RABGGTA: variants seen among roughly 807,000 people sequenced by gnomAD.
RABGGTA encodes Rab geranylgeranyltransferase subunit alpha, also known as geranylgeranyl transferase type-2 subunit alpha.
Under a neutral mutation model 83.3 loss-of-function variants are expected in RABGGTA, and 69 were observed. The observed-to-expected ratio is 0.83, with a 90% CI of 0.68 to 1.01. The LOEUF is 1.01. Ranked by LOEUF, RABGGTA falls within the 50% of genes least tolerant of loss-of-function variation. The pLI is 0.00. For missense variants in RABGGTA, 681 were observed against 712.7 expected (o/e 0.96, Z 0.51); for synonymous variants, 310 against 299.8 (o/e 1.03, Z -0.35).
intron 1 of RABGGTA, 61 bp from the exon 2 acceptor site, chr14:24,271,230 C>G: frequency 7.5e-7 from 1 of 1,332,040 alleles, no homozygotes; most frequent in South Asian, 1.6e-5. Context: ...ACAGCTGTGT[C>G]CGGAAGCAGC....
In RABGGTA at chr14:24,270,813, C is replaced by T. The variant is rs367823440; in HGVS notation, c.114+24G>A. The stretch of plus-strand genomic sequence containing the variant: ...CTATACTAAGGGAGCTACTTGGGGT[C>T]GGGGCTACCTCTGAGGGCCCCACCT... On this transcript the variant is annotated intron_variant, in intron 3 of 16. Coordinates refer to ENST00000216840, the MANE Select transcript of RABGGTA (RefSeq NM_182836.3). 148 of 1,608,168 alleles carry T rather than the reference C, an allele frequency of 9.2e-5. No homozygotes were observed. The African/African-American group carries it at 1.6e-3, about 17-fold the overall frequency.
At chr14:24,270,300 G>A in intron 4 of RABGGTA, 34 bp downstream of exon 4, 1 of 1,610,652 alleles carries the variant, frequency 6.2e-7, no homozygotes. Context: ...CGCAGGGCCA[G>A]GGCAGTCTTC....
At position 24,267,619 on chromosome 14, in the gene RABGGTA, C is replaced by A. The variant is rs746805001; in HGVS notation, c.1353+41G>T. 2.0e-6 allele frequency: 3 copies of A among 1,531,950 alleles called. No homozygotes were observed. The Admixed American group carries it at 5.5e-5, about 28-fold the overall frequency. 94.9% of individuals were successfully genotyped at this position (1,531,950 alleles called of 1,614,324 possible). A position where few individuals can be genotyped will look rare whatever the true frequency, so the allele number is the denominator to read the frequency against. On this transcript the variant is annotated intron_variant, in intron 14 of 16. Coordinates refer to ENST00000216840, the MANE Select transcript of RABGGTA (RefSeq NM_182836.3). Reference sequence around the variant, plus strand: ...AAAGTCAGGGACGTGGGGAGGCCAGCGGGATGAGGGCCAGGGGAAGGCATG... The same window carrying A: ...AAAGTCAGGGACGTGGGGAGGCCAGAGGGATGAGGGCCAGGGGAAGGCATG...
chr14:24,266,636 C>A, intron 15 of RABGGTA, 119 bp from the exon 16 acceptor site: 1 of 1,237,976 alleles, frequency 8.1e-7, no homozygotes, highest in Non-Finnish European at 1.2e-6. Flanking sequence ...GGTCAGGCTG[C>A]GTGATGGAGG....
intron 3 of RABGGTA, 122 bp from the exon 4 acceptor site, chr14:24,270,580 C>G (rs1346401298): frequency 1.5e-6 from 2 of 1,330,038 alleles, no homozygotes; most frequent in Non-Finnish European, 2.1e-6. Flanking sequence ...TACTATGAAC[C>G]ATGCTTTATG....
rs756937084 is a variant in RABGGTA at position 24,267,920 on chromosome 14, C to T, written c.1186G>A (p.Asp396Asn). 2.5e-6 allele frequency: 4 copies of T among 1,613,824 alleles called. No homozygotes were observed. The highest frequency in any genetic ancestry group is 3.4e-6 in the Non-Finnish European group (4 of 1,179,868). The change falls in exon 13 of 17, where the codon GAC (aspartate) becomes AAC (asparagine). Residue 396 changes from aspartate to asparagine, a missense_variant. Transcript: ENST00000216840. ...LTIILLMRAL[D>N]PLLYEKETLQ... ...GTCTCCTTCTCATACAGCAGGGGGTCCAGTGCCCGCATCAGCAGGATGATG... is the reference window on the plus strand; with the variant it reads ...GTCTCCTTCTCATACAGCAGGGGGTTCAGTGCCCGCATCAGCAGGATGATG...
At chr14:24,271,207 A>G (rs2040945776) in intron 1 of RABGGTA, 38 bp from the exon 2 acceptor site, 2 of 1,421,848 alleles carry the variant, frequency 1.4e-6, no homozygotes, top group South Asian at 1.5e-5. Context: ...CCCCGCCCCT[A>G]CTAGCTCCGC....
Position 24,265,709 on chromosome 14 carries a change from A to T in RABGGTA, c.1610T>A (p.Leu537His). The T allele has an allele frequency of 6.2e-7, 1 of 1,612,852 alleles. No individual in the cohort carries two copies. Among genetic ancestry groups the T allele is most frequent in the African/African-American group, 1.3e-5 (1 of 75,050 alleles). Residue 537 changes from leucine to histidine, a missense_variant, in exon 17 of 17, where the codon CTC becomes CAC. Physicochemically the swap from Leu to His is moderately conservative, Grantham distance 99 (BLOSUM62 -3). Coordinates refer to ENST00000216840, the MANE Select transcript of RABGGTA (RefSeq NM_182836.3). ...QPLASCPRLVLLNLQGNPLCQ... is the reference protein window; with the variant it reads ...QPLASCPRLVHLNLQGNPLCQ... ...CAGCGGGTTACCCTGCAGGTTGAGG[A>T]GGACCAGCCTGGGGCAGGAGGCAAG...
Position 24,269,474 on chromosome 14 carries a change from T to C in RABGGTA, c.631+17A>G, listed in dbSNP as rs2040916713. 1 of 1,548,658 alleles carries C rather than the reference T, an allele frequency of 6.5e-7. No homozygotes were observed. Among genetic ancestry groups the C allele is most frequent in the Non-Finnish European group, 8.9e-7 (1 of 1,121,130 alleles). On this transcript the variant is annotated intron_variant, in intron 6 of 16. Transcript: ENST00000216840. ...TGGCACTGCAGAGTCCTCCTGAGCATCCCTGACCCTGGTTACCTTTGAGCA... is the reference window on the plus strand; with the variant it reads ...TGGCACTGCAGAGTCCTCCTGAGCACCCCTGACCCTGGTTACCTTTGAGCA...
intron 14 of RABGGTA, 91 bp downstream of exon 14, chr14:24,267,569 C>T: frequency 9.9e-7 from 1 of 1,012,466 alleles, no homozygotes; most frequent in Non-Finnish European, 1.5e-6. Flanking sequence ...ATTGGAAGTC[C>T]ACAAAGGCAC....
rs201935774 is a variant in RABGGTA at position 24,270,848 on chromosome 14, C to T, written c.103G>A (p.Val35Ile). ...LKLYQSATQA[V>I]FQKRQAGELD... is the part of the protein sequence containing the mutation. The stretch of plus-strand genomic sequence containing the variant: ...TCTGAGGGCCCCACCTTCTGGAATA[C>T]GGCCTGGGTGGCTGACTGGTATAGC... The change falls in exon 3 of 17, where the codon GTA becomes ATA. Residue 35 changes from valine to isoleucine, a missense_variant. By Grantham distance (29) the Val-to-Ile change is conservative. Transcript: ENST00000216840. 37 of 1,613,536 alleles carry T rather than the reference C, an allele frequency of 2.3e-5. No individual in the cohort carries two copies. The highest frequency in any genetic ancestry group is 2.9e-5 in the Non-Finnish European group (34 of 1,179,732).
rs372287192 is a variant in RABGGTA, at chr14:24,270,818, C to A, written c.114+19G>T. 32 of 1,610,946 alleles carry A rather than the reference C, an allele frequency of 2.0e-5. No homozygotes were observed. Among genetic ancestry groups the A allele is most frequent in the Non-Finnish European group, 2.4e-5 (28 of 1,178,590 alleles). On this transcript the variant is annotated intron_variant, in intron 3 of 16. Transcript: ENST00000216840. ...CTAAGGGAGCTACTTGGGGTCGGGGCTACCTCTGAGGGCCCCACCTTCTGG... is the reference window on the plus strand; with the variant it reads ...CTAAGGGAGCTACTTGGGGTCGGGGATACCTCTGAGGGCCCCACCTTCTGG...
rs1218909118 is a variant in RABGGTA at position 24,268,967 on chromosome 14, G to A, written c.742C>T (p.Leu248=). The A allele has an allele frequency of 6.3e-7, 1 of 1,588,152 alleles. No homozygotes were observed. Among genetic ancestry groups the A allele is most frequent in the Non-Finnish European group, 8.6e-7 (1 of 1,166,462 alleles). ...RADPQDALRC[L]HVSRDEACLT... ...CAGGCCTCGTCCCGGCTCACATGCAGGCAGCGCAGTGCATCCTGGGGGTCA... is the reference window on the plus strand; with the variant it reads ...CAGGCCTCGTCCCGGCTCACATGCAAGCAGCGCAGTGCATCCTGGGGGTCA... The change falls in exon 8 of 17, where the codon CTG becomes TTG. Residue 248 remains leucine (L), a synonymous_variant. Transcript: ENST00000216840.
chr14:24,267,950 G>A lies in RABGGTA; in HGVS notation c.1156C>T (p.Leu386Phe), dbSNP rs748419997. 1.2e-6 allele frequency: 2 copies of A among 1,613,698 alleles called. No homozygotes were observed. Among genetic ancestry groups the A allele is most frequent in the African/African-American group, 2.7e-5 (2 of 74,910 alleles). The change falls in exon 13 of 17, where the codon CTT becomes TTT. Residue 386 changes from leucine to phenylalanine, a missense_variant. Transcript: ENST00000216840. ...ELEPENKWCL[L>F]TIILLMRALD... ...GCCCGCATCAGCAGGATGATGGTAAGCAGGCACCCTGAGGAGAGGGCAGGG... is the reference window on the plus strand; with the variant it reads ...GCCCGCATCAGCAGGATGATGGTAAACAGGCACCCTGAGGAGAGGGCAGGG...
At position 24,270,159 on chromosome 14, in the gene RABGGTA, G is replaced by A. The variant is rs2295312; in HGVS notation, c.240-19C>T. On this transcript the variant is annotated intron_variant, in intron 4 of 16. Coordinates refer to ENST00000216840, the MANE Select transcript of RABGGTA (RefSeq NM_182836.3). ...AGGAGACCTGTACCCAGAAGGGAAG[G>A]GGGGGGTCAGGGCTCTCCTACAGTC... is the stretch of plus-strand genomic sequence containing the variant. The A allele has an allele frequency of 4.4e-6, 7 of 1,593,104 alleles. No individual in the cohort carries two copies. The highest frequency in any genetic ancestry group is 1.1e-5 in the South Asian group (1 of 88,422).
At position 24,269,454 on chromosome 14, in the gene RABGGTA, C is replaced by G. The variant is rs1170024445; in HGVS notation, c.631+37G>C. The G allele has an allele frequency of 2.6e-6, 4 of 1,528,834 alleles. No individual in the cohort carries two copies. The Admixed American group carries it at 6.7e-5, about 26-fold the overall frequency. The allele number at this position is 1,528,834 out of a possible 1,614,324, so 94.7% of individuals were successfully genotyped here. On this transcript the variant is annotated intron_variant, in intron 6 of 16. Transcript: ENST00000216840. Reference sequence around the variant, plus strand: ...AGGCATGGGGGCTGGAAGGGTGGCACTGCAGAGTCCTCCTGAGCATCCCTG... The same window carrying G: ...AGGCATGGGGGCTGGAAGGGTGGCAGTGCAGAGTCCTCCTGAGCATCCCTG...
intron 6 of RABGGTA, 24 bp from the exon 7 acceptor site, chr14:24,269,187 G>A: frequency 6.3e-7 from 1 of 1,596,268 alleles, no homozygotes; most frequent in South Asian, 1.1e-5. Context: ...GGAGGCATGG[G>A]GCTGTGGTCA....
At position 24,265,655 on chromosome 14, in the gene RABGGTA, A is replaced by G; in HGVS notation, c.1664T>C (p.Leu555Pro). The change falls in exon 17 of 17, where the codon CTG becomes CCG. Residue 555 changes from leucine (L) to proline (P), a missense_variant. By Grantham distance (98) the Leu-to-Pro change is moderately conservative. Around this residue, in one of 5 missense-constraint regions of RABGGTA, gnomAD observed 421 missense variants for 418.5 expected, o/e 1.01. Transcript: ENST00000216840. Reference sequence around the variant, plus strand: ...GCTAACTGAAGGCAGCAGTTCAGCCAGTTGCTCCAAGATGCCCACCGCTTG... The same window carrying G: ...GCTAACTGAAGGCAGCAGTTCAGCCGGTTGCTCCAAGATGCCCACCGCTTG... ...LCQAVGILEQ[L>P]AELLPSVSSV... 6.2e-7 allele frequency: 1 copy of G among 1,613,754 alleles called. No homozygotes were observed. The highest frequency in any genetic ancestry group is 1.1e-5 in the South Asian group (1 of 91,028).
In RABGGTA at chr14:24,266,462, G is replaced by C. The variant is rs771117835; in HGVS notation, c.1523C>G (p.Pro508Arg). 2.5e-6 allele frequency: 4 copies of C among 1,613,902 alleles called. No individual in the cohort carries two copies. In the Admixed American group the frequency reaches 6.7e-5, roughly 27 times the overall value. Residue 508 changes from proline to arginine, a missense_variant, in exon 16 of 17, where the codon CCC becomes CGC. Pro to Arg is a moderately radical substitution (Grantham distance 103). Coordinates refer to ENST00000216840, the MANE Select transcript of RABGGTA (RefSeq NM_182836.3). ...IESLDGVTNL[P>R]RLQELLLCNN... Reference sequence around the variant, plus strand: ...GCACAGTAGCAGCTCCTGCAGCCGGGGTAGGTTGGTGACGCCGTCCAGGGA... The same window carrying C: ...GCACAGTAGCAGCTCCTGCAGCCGGCGTAGGTTGGTGACGCCGTCCAGGGA...
Sources: allele counts gnomAD v4.1 joint callset, GRCh38; gene constraint gnomAD v4.1.1; regional missense constraint gnomAD v4.1.1; transcripts MANE v1.5; gene names NCBI Gene and HGNC (gene_info 2026-07-23, HGNC 2026-07-21).